ARL15: variants seen among roughly 807,000 people sequenced by gnomAD.
The protein encoded by ARL15 is ADP-ribosylation factor-like protein 15.
Under a neutral mutation model 25.2 loss-of-function variants are expected in ARL15, and 19 were observed. That is an observed-to-expected ratio of 0.75 (90% confidence interval 0.53 to 1.10). The LOEUF is 1.10. ARL15 is among the 50% of genes least tolerant of loss of function. The pLI is 0.00. For synonymous variants in ARL15, 94 were observed against 86.8 expected (o/e 1.08, Z -0.46); for missense variants, 220 against 246.0 (o/e 0.89, Z 0.71).
At chr5:54,298,191 C>T (rs552435734) in intron 1 of ARL15, among the ~76,000 whole-genome samples, 3 of 152,126 alleles carry the variant, frequency 2.0e-5, no homozygotes, top group Admixed American at 2.0e-4. Context: ...ACCCCATTGT[C>T]TACCTATGGA....
At chr5:53,971,745 T>A (rs1047743243) in intron 4 of ARL15, among the ~76,000 whole-genome samples, 2 of 152,206 alleles carry the variant, frequency 1.3e-5, no homozygotes, top group Admixed American at 6.5e-5. Flanking sequence ...ACAGCTAGTA[T>A]CTGATGCTGA....
At chr5:54,005,623 G>A (rs925709331) in intron 4 of ARL15, among the ~76,000 whole-genome samples, 4 of 152,002 alleles carry the variant, frequency 2.6e-5, no homozygotes, top group Non-Finnish European at 5.9e-5. Context: ...CAGCACTTTC[G>A]GAGGCCGAGG....
At chr5:53,917,228 T>A (rs974307491) in intron 4 of ARL15, among the ~76,000 whole-genome samples, 1 of 152,200 alleles carries the variant, frequency 6.6e-6, no homozygotes, top group African/African-American at 2.4e-5. Flanking sequence ...ATTAAGTGTG[T>A]CTCTGATATC....
rs867980519 is a variant in ARL15, at chr5:53,971,013, T to C, written c.463-84300A>G. 3.2e-4 allele frequency among the ~76,000 whole-genome samples: 49 copies of C among 152,258 alleles called. 1 individual carries two copies. The South Asian group carries it at 5.4e-3, about 17-fold the overall frequency. On this transcript the variant is annotated intron_variant, in intron 4 of 4. Transcript: ENST00000504924. ...GGAGGAAAAAAGAGAGAGAAAAGTT[T>C]GATAGCATTAAGAAGGAATTTTTGC...
chr5:54,193,228 A>G (rs1755455825), intron 1 of ARL15, among the ~76,000 whole-genome samples: 2 of 152,206 alleles, frequency 1.3e-5, no homozygotes, highest in South Asian at 4.1e-4. Context: ...AGTAAATTGC[A>G]GCATCATCCA....
At chr5:53,907,356 C>T (rs998216379) in intron 4 of ARL15, among the ~76,000 whole-genome samples, 1 of 148,222 alleles carries the variant, frequency 6.7e-6, no homozygotes, top group Non-Finnish European at 1.5e-5. Context: ...AAGATTTTGA[C>T]AAATGTGTAG....
At chr5:54,301,725 G>C (rs997713288) in intron 1 of ARL15, among the ~76,000 whole-genome samples, 1 of 152,176 alleles carries the variant, frequency 6.6e-6, no homozygotes, top group Non-Finnish European at 1.5e-5. Flanking sequence ...CCTCCAGATT[G>C]TCATTCCCTT....
intron 3 of ARL15, among the ~76,000 whole-genome samples, chr5:54,137,969 A>C (rs2112299600): frequency 6.6e-6 from 1 of 152,292 alleles, no homozygotes; most frequent in African/African-American, 2.4e-5. Flanking sequence ...TTTTAGAGTC[A>C]AAGTATGCCT....
rs1156597163 is a variant in ARL15, at chr5:54,247,397, C to T, written c.48+63035G>A. 6.6e-5 allele frequency among the ~76,000 whole-genome samples: 10 copies of T among 151,942 alleles called. 1 individual carries two copies. Among genetic ancestry groups the T allele is most frequent in the Admixed American group, 6.6e-4 (10 of 15,258 alleles). On this transcript the variant is annotated intron_variant, in intron 1 of 4. Transcript: ENST00000504924. ...TTTGGATAAGGCTTCCCAGAATAAC[C>T]TTGATGTGGGGTCGGCTGGTAGGGA... is the stretch of plus-strand genomic sequence containing the variant.
At chr5:54,112,522 G>A (rs748669829) in intron 4 of ARL15, among the ~76,000 whole-genome samples, 4 of 152,120 alleles carry the variant, frequency 2.6e-5, no homozygotes, top group Admixed American at 6.6e-5. Context: ...CTGTACTTAC[G>A]TTATAATTCA....
At chr5:54,160,581 C>G (rs762101158) in intron 2 of ARL15, among the ~76,000 whole-genome samples, 1 of 152,156 alleles carries the variant, frequency 6.6e-6, no homozygotes, top group Non-Finnish European at 1.5e-5. Context: ...GGAATTCAGT[C>G]TGGATAGAGT....
chr5:54,073,022 G>A (rs1353362979), intron 4 of ARL15, among the ~76,000 whole-genome samples: 1 of 152,118 alleles, frequency 6.6e-6, no homozygotes, highest in Non-Finnish European at 1.5e-5. Context: ...AAGCCAAATT[G>A]GTTATGCATT....
At chr5:54,130,182 G>C (rs369218129) in intron 3 of ARL15, among the ~76,000 whole-genome samples, 1 of 152,118 alleles carries the variant, frequency 6.6e-6, no homozygotes, top group Non-Finnish European at 1.5e-5. Flanking sequence ...AGGATGCAGC[G>C]AGCCATGACT....
intron 2 of ARL15, among the ~76,000 whole-genome samples, chr5:54,163,143 A>G (rs1389361221): frequency 1.3e-5 from 2 of 151,940 alleles, no homozygotes; most frequent in African/African-American, 4.8e-5. Flanking sequence ...TGTTTTTTGC[A>G]TATCTTCACA....
intron 4 of ARL15, among the ~76,000 whole-genome samples, chr5:53,941,188 A>T (rs1436780436): frequency 6.6e-6 from 1 of 152,046 alleles, no homozygotes; most frequent in African/African-American, 2.4e-5. Flanking sequence ...CTTCTGTATA[A>T]GCTTTTTTAA....
chr5:54,197,745 GAAACTATTCCAATC>G (rs1345974188), intron 1 of ARL15, among the ~76,000 whole-genome samples: 1 of 152,058 alleles, frequency 6.6e-6, no homozygotes, highest in Non-Finnish European at 1.5e-5. Context: ...CATTCCTTCT[GAAACTATTCCAATC>G]AATAGAAAAA....
intron 4 of ARL15, among the ~76,000 whole-genome samples, chr5:53,953,238 T>C (rs1747036981): frequency 6.6e-6 from 1 of 152,212 alleles, no homozygotes; most frequent in South Asian, 2.1e-4. Flanking sequence ...TTAACCTTTC[T>C]GAGTCTCAGT....
intron 1 of ARL15, among the ~76,000 whole-genome samples, chr5:54,287,261 G>T (rs1303051062): frequency 6.6e-6 from 1 of 151,982 alleles, no homozygotes; most frequent in Non-Finnish European, 1.5e-5. Context: ...TAGCATCAGT[G>T]ATCTTCCAGT....
chr5:53,988,130 G>GATA (rs552156638), intron 4 of ARL15, among the ~76,000 whole-genome samples: 4,580 of 149,146 alleles, frequency 0.031, 89 homozygotes, highest in Non-Finnish European at 0.05. Flanking sequence ...TAATAATAAT[G>GATA]ATAATAATAA....
Sources: allele counts gnomAD v4.1 joint callset (sites outside exome capture counted in the v4.1 genomes callset), GRCh38; gene constraint gnomAD v4.1.1; transcripts MANE v1.5; gene names NCBI Gene and HGNC (gene_info 2026-07-23, HGNC 2026-07-21).